FIGNL1: variants seen among roughly 807,000 people sequenced by gnomAD.
FIGNL1 encodes fidgetin-like protein 1.
Under a neutral mutation model 28.9 loss-of-function variants are expected in FIGNL1, and 11 were observed. The observed-to-expected ratio is 0.38, with a 90% confidence interval of 0.24 to 0.63. The LOEUF (loss-of-function observed/expected upper bound fraction) is 0.63. Ranked by LOEUF, FIGNL1 falls within the 20% of genes least tolerant of loss-of-function variation. The pLI is 0.57. For synonymous variants in FIGNL1, 295 were observed against 276.5 expected (o/e 1.07, Z -0.66); for missense variants, 789 against 810.4 (o/e 0.97, Z 0.32).
Position 50,445,426 on chromosome 7 carries a change from C to T in FIGNL1, c.1862G>A (p.Arg621His), listed in dbSNP as rs772460200. ...LCREASLGPI[R>H]SLQTADIATI... ...AGCAATGTCAGCAGTTTGTAAACTG[C>T]GAATAGGACCAAGAGAAGCCTCCCT... The change falls in exon 4 of 4, where the codon CGC becomes CAC. Residue 621 changes from arginine to histidine, a missense_variant. Arg to His is a conservative substitution (Grantham distance 29). Transcript: ENST00000433017. 9 of 1,613,942 alleles carry T rather than the reference C, an allele frequency of 5.6e-6. No homozygotes were observed. Among genetic ancestry groups the T allele is most frequent in the East Asian group, 4.5e-5 (2 of 44,904 alleles).
rs1211958923 is a variant in FIGNL1 at position 50,446,979 on chromosome 7, T to C, written c.309A>G (p.Gly103=). ...TTTTGAAAACATTATTTATTGACAA[T>C]CCAGACTGCCACTTGTCACTATCTG... The part of the protein sequence containing the change: ...QQTDSDKWQS[G]LSINNVFKMS... Residue 103 remains glycine, a synonymous_variant, in exon 4 of 4, where the codon GGA becomes GGG. Coordinates refer to ENST00000433017, the MANE Select transcript of FIGNL1 (RefSeq NM_001287492.4). The C allele has an allele frequency of 6.2e-7, 1 of 1,614,228 alleles. No individual in the cohort carries two copies. Among genetic ancestry groups the C allele is most frequent in the South Asian group, 1.1e-5 (1 of 91,088 alleles).
At chr7:50,447,735 TTTA>T (rs1191364220) in intron 3 of FIGNL1, among the ~76,000 whole-genome samples, 7 of 151,732 alleles carry the variant, frequency 4.6e-5, no homozygotes, top group African/African-American at 1.7e-4. Context: ...TTATTTTTAT[TTTA>T]TTATTATTTT....
intron 1 of FIGNL1, 25 bp from the exon 2 acceptor site, chr7:50,449,748 A>T (rs1479817037): frequency 6.6e-6 from 1 of 152,238 alleles, no homozygotes; most frequent in African/African-American, 2.4e-5. Context: ...CAGCAACATC[A>T]CTGAGCTGAC....
At position 50,447,135 on chromosome 7, in the gene FIGNL1, G is replaced by C. The variant is rs61735234; in HGVS notation, c.153C>G (p.Ser51=). ...IQYAWANSEI[S]QVCATKLFKK... ...TGAACAGTTTGGTAGCACAGACCTGGGAAATCTCAGAGTTTGCCCATGCAT... is the reference window on the plus strand; with the variant it reads ...TGAACAGTTTGGTAGCACAGACCTGCGAAATCTCAGAGTTTGCCCATGCAT... The change falls in exon 4 of 4, where the codon TCC becomes TCG. Residue 51 remains serine, a synonymous_variant. Transcript: ENST00000433017. The C allele has an allele frequency of 1.2e-6, 2 of 1,614,058 alleles. No individual in the cohort carries two copies. Among genetic ancestry groups the C allele is most frequent in the Non-Finnish European group, 1.7e-6 (2 of 1,180,048 alleles).
intron 2 of FIGNL1, 22 bp from the exon 3 acceptor site, chr7:50,448,311 A>G (rs1360746683): frequency 1.3e-5 from 2 of 152,236 alleles, no homozygotes; most frequent in Non-Finnish European, 2.9e-5. Context: ...ATTGAACAGC[A>G]TGGATCACAA....
At chr7:50,447,522 T>A (rs1487966157) in intron 3 of FIGNL1, among the ~76,000 whole-genome samples, 1 of 152,192 alleles carries the variant, frequency 6.6e-6, no homozygotes, top group African/African-American at 2.4e-5. Context: ...CTTGATTAAA[T>A]AATAATTTAT....
chr7:50,447,202 G>A lies in FIGNL1; in HGVS notation c.86C>T (p.Pro29Leu), dbSNP rs781103365. Residue 29 changes from proline (P) to leucine (L), a missense_variant, in exon 4 of 4, where the codon CCG becomes CTG. Physicochemically the swap from Pro to Leu is moderately conservative, Grantham distance 98. Transcript: ENST00000433017. The part of the protein sequence containing the change: ...FAITSGICTG[P>L]KADAYRAQIL... Reference sequence around the variant, plus strand: ...CTGTGCACGGTATGCATCTGCCTTCGGTCCGGTACATATGCCAGATGTAAT... The same window carrying A: ...CTGTGCACGGTATGCATCTGCCTTCAGTCCGGTACATATGCCAGATGTAAT... 1.2e-5 allele frequency: 20 copies of A among 1,613,794 alleles called. No homozygotes were observed. Among genetic ancestry groups the A allele is most frequent in the African/African-American group, 4.0e-5 (3 of 74,894 alleles).
Position 50,446,578 on chromosome 7 carries a change from C to G in FIGNL1, c.710G>C (p.Gly237Ala), listed in dbSNP as rs370131380. 87 of 1,613,938 alleles carry G rather than the reference C, an allele frequency of 5.4e-5. No individual in the cohort carries two copies. The highest frequency in any genetic ancestry group is 6.8e-5 in the Non-Finnish European group (80 of 1,180,028). ...ENHSSAKENI[G>A]LNVFLSNQSC... ...CTGGTTAGATAAGAACACATTAAGTCCTATGTTTTCTTTTGCAGAGCTGTG... is the reference window on the plus strand; with the variant it reads ...CTGGTTAGATAAGAACACATTAAGTGCTATGTTTTCTTTTGCAGAGCTGTG... Residue 237 changes from glycine to alanine, a missense_variant, in exon 4 of 4, where the codon GGA becomes GCA. Coordinates refer to ENST00000433017, the MANE Select transcript of FIGNL1 (RefSeq NM_001287492.4).
In FIGNL1 at chr7:50,445,611, C is replaced by T. The variant is rs144606954; in HGVS notation, c.1677G>A (p.Leu559=). ...GGAGGGGAATATAAAGCCTTTTCAC[C>T]AATCTTCTCCGGGCAGCCTCATCAA... The part of the protein sequence containing the change: ...QEIDEAARRR[L]VKRLYIPLPE... Residue 559 remains leucine (L), a synonymous_variant, in exon 4 of 4, where the codon TTG becomes TTA. Coordinates refer to ENST00000433017, the MANE Select transcript of FIGNL1 (RefSeq NM_001287492.4). 39 of 1,614,140 alleles carry T rather than the reference C, an allele frequency of 2.4e-5. No individual in the cohort carries two copies. The African/African-American group carries it at 4.1e-4, about 17-fold the overall frequency.
Position 50,445,744 on chromosome 7 carries a change from T to A in FIGNL1, c.1544A>T (p.Glu515Val), listed in dbSNP as rs746692997. 1 of 1,614,220 alleles carries A rather than the reference T, an allele frequency of 6.2e-7. No homozygotes were observed. The highest frequency in any genetic ancestry group is 1.1e-5 in the South Asian group (1 of 91,086). Residue 515 changes from glutamate to valine, a missense_variant, in exon 4 of 4, where the codon GAA becomes GTA. By Grantham distance (121) the Glu-to-Val change is moderately radical (BLOSUM62 -2). Coordinates refer to ENST00000433017, the MANE Select transcript of FIGNL1 (RefSeq NM_001287492.4). ...LLSQRGDGEH[E>V]SSRRIKTEFL... ...TTCTGTTTTTATCCTTCTAGAAGAT[T>A]CATGCTCACCATCTCCCCGTTGAGA...
At position 50,447,271 on chromosome 7, in the gene FIGNL1, G is replaced by C; in HGVS notation, c.17C>G (p.Ser6Cys). 6.3e-7 allele frequency: 1 copy of C among 1,588,266 alleles called. No individual in the cohort carries two copies. Among genetic ancestry groups the C allele is most frequent in the Non-Finnish European group, 8.6e-7 (1 of 1,163,584 alleles). Reference protein sequence around the residue: MQTSSSRSVHLSEWQK... With the variant: MQTSSCRSVHLSEWQK... ...CCATTCACTCAGGTGCACAGATCTA[G>C]AGCTGGAGGTCTGCATTTTAGAGGT... Residue 6 changes from serine (S) to cysteine (C), a missense_variant, in exon 4 of 4, where the codon TCT (serine) becomes TGT (cysteine). Physicochemically the swap from Ser to Cys is moderately radical, Grantham distance 112 (BLOSUM62 -1). Transcript: ENST00000433017.
At chr7:50,447,896 CT>C (rs1388132515) in intron 3 of FIGNL1, 1 of 152,196 alleles carries the variant, frequency 6.6e-6, no homozygotes, top group Non-Finnish European at 1.5e-5. Context: ...GCCACCACCC[CT>C]GGATAATTTT....
rs144556627 is a variant in FIGNL1 at position 50,444,959 on chromosome 7, T to C, written c.*304A>G. 1.3e-4 allele frequency: 25 copies of C among 187,502 alleles called. No individual in the cohort carries two copies. The highest frequency in any genetic ancestry group is 3.6e-4 in the Admixed American group (6 of 16,638). The allele number at this position is 187,502 out of a possible 1,614,324, so 11.6% of individuals were successfully genotyped here. A position where few individuals can be genotyped will look rare whatever the true frequency, so the allele number is the denominator to read the frequency against. ...AATATTAATCAGACACAACTTTATATGTAATCTTCAACTAAAAAAAATTTG... is the reference window on the plus strand; with the variant it reads ...AATATTAATCAGACACAACTTTATACGTAATCTTCAACTAAAAAAAATTTG... On this transcript the variant is annotated 3_prime_UTR_variant, in exon 4 of 4. Transcript: ENST00000433017.
Position 50,446,294 on chromosome 7 carries a change from T to C in FIGNL1, c.994A>G (p.Arg332Gly), listed in dbSNP as rs1460615302. Residue 332 changes from arginine (R) to glycine (G), a missense_variant, in exon 4 of 4, where the codon AGA (arginine) becomes GGA (glycine). Physicochemically the swap from Arg to Gly is moderately radical, Grantham distance 125 (BLOSUM62 -2). Coordinates refer to ENST00000433017, the MANE Select transcript of FIGNL1 (RefSeq NM_001287492.4). ...AACTTTCCAAGTATCCCTCGGGATC[T>C]ACTAGCTCCTAGAGACTTTTTTACA... The part of the protein sequence containing the change: ...GGVKKSLGAS[R>G]SRGILGKFVP... 2 of 1,614,074 alleles carry C rather than the reference T, an allele frequency of 1.2e-6. No homozygotes were observed. Among genetic ancestry groups the C allele is most frequent in the Non-Finnish European group, 1.7e-6 (2 of 1,180,036 alleles).
chr7:50,449,913 G>A (rs1821689604), intron 1 of FIGNL1, 190 bp from the exon 2 acceptor site: 1 of 152,294 alleles, frequency 6.6e-6, no homozygotes, highest in East Asian at 1.9e-4. Flanking sequence ...TGGGTCACAG[G>A]GGAACTGACT....
In FIGNL1 at chr7:50,445,482, C is replaced by T. The variant is rs774176260; in HGVS notation, c.1806G>A (p.Ala602=). The change falls in exon 4 of 4, where the codon GCG becomes GCA. Residue 602 remains alanine, a synonymous_variant. Transcript: ENST00000433017. The part of the protein sequence containing the change: ...EIEQIVQQSD[A]FSGADMTQLC... Reference sequence around the variant, plus strand: ...GCTGTGTCATGTCTGCTCCTGAAAACGCATCAGACTGCTGTACAATCTGTT... The same window carrying T: ...GCTGTGTCATGTCTGCTCCTGAAAATGCATCAGACTGCTGTACAATCTGTT... The T allele has an allele frequency of 4.3e-6, 7 of 1,613,950 alleles. No individual in the cohort carries two copies. Among genetic ancestry groups the T allele is most frequent in the South Asian group, 2.2e-5 (2 of 91,054 alleles).
Position 50,445,316 on chromosome 7 carries a change from T to C in FIGNL1, c.1972A>G (p.Lys658Glu), listed in dbSNP as rs748048613. Residue 658 changes from lysine (K) to glutamate (E), a missense_variant, in exon 4 of 4, where the codon AAA (lysine) becomes GAA (glutamate). Transcript: ENST00000433017. ...CAGTTTTCATAAAGCTCTAAATCTT[T>C]TGGAGAAACACTAGGTCGCACAGTT... is the stretch of plus-strand genomic sequence containing the variant. ...FRTVRPSVSP[K>E]DLELYENWNK... 28 of 1,595,098 alleles carry C rather than the reference T, an allele frequency of 1.8e-5. No individual in the cohort carries two copies. The Middle Eastern group carries it at 6.7e-4, about 38-fold the overall frequency.
In FIGNL1 at chr7:50,449,385, CTTCT is replaced by C. The variant is rs1821594077; in HGVS notation, c.-391_-388del. The stretch of plus-strand genomic sequence containing the variant: ...ACTGTCATATGAACTGCATTTCAAT[CTTCT>C]TTATTTTGCCAATGTTCTGATTATT... On this transcript the variant is annotated 5_prime_UTR_variant, in exon 2 of 4. Transcript: ENST00000433017. 6.6e-6 allele frequency: 1 copy of C among 152,142 alleles called. No homozygotes were observed. Among genetic ancestry groups the C allele is most frequent in the African/African-American group, 2.4e-5 (1 of 41,422 alleles). 9.4% of individuals were successfully genotyped at this position (152,142 alleles called of 1,614,324 possible).
In FIGNL1 at chr7:50,445,162, A is replaced by C. The variant is rs1585089478; in HGVS notation, c.*101T>G. On this transcript the variant is annotated 3_prime_UTR_variant, in exon 4 of 4. Coordinates refer to ENST00000433017, the MANE Select transcript of FIGNL1 (RefSeq NM_001287492.4). ...TGCTATTATTTGAAGTACAGAACTT[A>C]GAATATATTCTTAAAAATACAATTA... The C allele has an allele frequency of 1.5e-6, 1 of 656,944 alleles. No homozygotes were observed. The highest frequency in any genetic ancestry group is 3.0e-5 in the East Asian group (1 of 33,550). The allele number at this position is 656,944 out of a possible 1,614,324, so 40.7% of individuals were successfully genotyped here. A position where few individuals can be genotyped will look rare whatever the true frequency, so the allele number is the denominator to read the frequency against.
Sources: allele counts gnomAD v4.1 joint callset (sites outside exome capture counted in the v4.1 genomes callset), GRCh38; gene constraint gnomAD v4.1.1; transcripts MANE v1.5; gene names NCBI Gene and HGNC (gene_info 2026-07-23, HGNC 2026-07-21).